NOS1: variants seen among roughly 807,000 people sequenced by gnomAD.
The protein encoded by NOS1 is nitric oxide synthase 1, also known as NOS type I.
Under a neutral mutation model 164.5 loss-of-function variants are expected in NOS1, and 51 were observed. The ratio of observed to expected loss-of-function variants is 0.31; its 90% CI spans 0.25 to 0.39. The LOEUF is 0.39. NOS1 is among the 10% of genes least tolerant of loss of function. NOS1 has a pLI of 1.00. For missense variants in NOS1, 1,362 were observed against 1,885.6 expected, an observed-to-expected ratio of 0.72 and a Z score of 5.14; for synonymous variants, 719 against 745.8, an observed-to-expected ratio of 0.96 and a Z score of 0.59.
At chr12:117,308,805 C>A (rs763143417) in intron 3 of NOS1, among the ~76,000 whole-genome samples, 1 of 152,100 alleles carries the variant, frequency 6.6e-6, no homozygotes, top group Non-Finnish European at 1.5e-5. Flanking sequence ...CCATGTTGGT[C>A]AGGCTGGTCT....
At chr12:117,292,672 T>C (rs542029909) in intron 3 of NOS1, among the ~76,000 whole-genome samples, 1 of 152,306 alleles carries the variant, frequency 6.6e-6, no homozygotes, top group Non-Finnish European at 1.5e-5. Flanking sequence ...AGGAGTCCAA[T>C]CCAGGCAGTC....
At chr12:117,281,071 C>T (rs1275010784) in intron 7 of NOS1, among the ~76,000 whole-genome samples, 3 of 152,008 alleles carry the variant, frequency 2.0e-5, no homozygotes, top group South Asian at 2.1e-4. Flanking sequence ...GTGAGGAAAA[C>T]GGTGGAGGGG....
chr12:117,262,367 G>A (rs1871977258), intron 13 of NOS1, among the ~76,000 whole-genome samples: 1 of 148,632 alleles, frequency 6.7e-6, no homozygotes, highest in South Asian at 2.2e-4. Context: ...GGCTGCTGAT[G>A]TGTTCTTGCT....
At position 117,243,961 on chromosome 12, in the gene NOS1, G is replaced by A. The variant is rs540413184; in HGVS notation, c.2824-526C>T. On this transcript the variant is annotated intron_variant, in intron 18 of 28. Transcript: ENST00000317775. The surrounding 1 kb of genome is among the most constrained non-coding windows in gnomAD (Gnocchi z 4.3). ...CCTATATATTTTGAGTGTCTGCGAT[G>A]TGCTGGACACGTCGGATTTGACATT... Among the ~76,000 whole-genome samples, 42 of 152,276 alleles carry A rather than the reference G, an allele frequency of 2.8e-4. No individual in the cohort carries two copies. Among genetic ancestry groups the A allele is most frequent in the African/African-American group, 9.9e-4 (41 of 41,548 alleles).
intron 15 of NOS1, among the ~76,000 whole-genome samples, chr12:117,258,816 C>T (rs1170016220): frequency 6.6e-6 from 1 of 152,186 alleles, no homozygotes; most frequent in Non-Finnish European, 1.5e-5. Flanking sequence ...AATATTTTCA[C>T]CAGGGACTTG....
chr12:117,322,219 TTTCCTTCCTTCCCTTCCTCC>T (rs1874984063), intron 2 of NOS1, among the ~76,000 whole-genome samples: 1 of 85,084 alleles, frequency 1.2e-5, no homozygotes, highest in African/African-American at 4.0e-5. Context: ...TCCCTCCCTC[TTTCCTTCCTTCCCTTCCTCC>T]CTCCTTCCTT....
At position 117,232,039 on chromosome 12, in the gene NOS1, T is replaced by C. The variant is rs1341454590; in HGVS notation, c.3328A>G (p.Thr1110Ala). ...GCAAACTGCTGCAGCTGCAGAGGCG[T>C]TGGTGGCGTGGTGATGTCCAGGTAG... ...KYYLDITTPP[T>A]PLQLQQFASL... The change falls in exon 22 of 29, where the codon ACG becomes GCG. Residue 1110 changes from threonine (T) to alanine (A), a missense_variant. Physicochemically the swap from Thr to Ala is moderately conservative, Grantham distance 58 (BLOSUM62 0). Around this residue, in one of 4 missense-constraint regions of NOS1, gnomAD observed 737 missense variants for 1,030.3 expected, o/e 0.72. Transcript: ENST00000317775. 6.2e-7 allele frequency: 1 copy of C among 1,612,370 alleles called. No homozygotes were observed. The highest frequency in any genetic ancestry group is 1.7e-5 in the Admixed American group (1 of 59,990).
At chr12:117,288,540 G>T (rs1872853696) in intron 4 of NOS1, among the ~76,000 whole-genome samples, 1 of 152,140 alleles carries the variant, frequency 6.6e-6, no homozygotes, top group Admixed American at 6.6e-5. Context: ...GGAACTAATA[G>T]AGTGGCTACA....
At chr12:117,256,610 A>C (rs1871478323) in intron 16 of NOS1, among the ~76,000 whole-genome samples, 1 of 151,846 alleles carries the variant, frequency 6.6e-6, no homozygotes, top group African/African-American at 2.4e-5. Flanking sequence ...CACAGCCAAA[A>C]AACACCAGCC....
chr12:117,215,048 C>T lies in NOS1; in HGVS notation c.*261G>A, dbSNP rs893850842. 16 of 1,194,792 alleles carry T rather than the reference C, an allele frequency of 1.3e-5. No homozygotes were observed. The East Asian group carries it at 2.1e-4, about 16-fold the overall frequency. 74.0% of individuals were successfully genotyped at this position (1,194,792 alleles called of 1,614,324 possible). A position where few individuals can be genotyped will look rare whatever the true frequency, so the allele number is the denominator to read the frequency against. ...TCATGCACCCGTGAGTTGCCCTTGTCGGCAAGAGAGGGAGTGGGAACAGAG... is the reference window on the plus strand; with the variant it reads ...TCATGCACCCGTGAGTTGCCCTTGTTGGCAAGAGAGGGAGTGGGAACAGAG... On this transcript the variant is annotated 3_prime_UTR_variant, in exon 29 of 29. Transcript: ENST00000317775.
intron 21 of NOS1, among the ~76,000 whole-genome samples, chr12:117,233,248 CA>C (rs1277324491): frequency 1.3e-5 from 2 of 151,688 alleles, no homozygotes; most frequent in Non-Finnish European, 2.9e-5. Flanking sequence ...GGCATTTCAC[CA>C]TGTTGGCCAG....
chr12:117,341,534 T>C (rs1419626375), intron 1 of NOS1, among the ~76,000 whole-genome samples: 1 of 152,182 alleles, frequency 6.6e-6, no homozygotes, highest in South Asian at 2.1e-4. Flanking sequence ...GAGACCAATA[T>C]ATCCATCCAT....
chr12:117,350,416 G>A (rs2136093032), intron 1 of NOS1, among the ~76,000 whole-genome samples: 1 of 152,294 alleles, frequency 6.6e-6, no homozygotes, highest in South Asian at 2.1e-4. Flanking sequence ...TTAACTGGGT[G>A]CTTTATTTAG....
At chr12:117,321,095 T>C (rs1379694067) in intron 2 of NOS1, among the ~76,000 whole-genome samples, 2 of 152,176 alleles carry the variant, frequency 1.3e-5, no homozygotes, top group African/African-American at 2.4e-5. Context: ...CGGCAGCCTC[T>C]GCCTCCCGAG....
intron 3 of NOS1, chr12:117,302,022 T>C (rs1007185698): frequency 2.2e-6 from 1 of 456,770 alleles, no homozygotes. Flanking sequence ...TTACTGGTTA[T>C]GTGACCCTCG....
At chr12:117,281,519 C>CAAAA (rs56248436) in intron 7 of NOS1, among the ~76,000 whole-genome samples, 11,594 of 50,560 alleles carry the variant, frequency 0.23, 1,937 homozygotes, top group Middle Eastern at 0.29. Context: ...GACTCCATCT[C>CAAAA]AAAAAAAAAA....
intron 2 of NOS1, among the ~76,000 whole-genome samples, chr12:117,316,397 G>A (rs549211436): frequency 5.9e-5 from 9 of 151,826 alleles, no homozygotes; most frequent in Non-Finnish European, 7.4e-5. Context: ...CCCTCTTCCC[G>A]AGGAGCACAC....
chr12:117,238,582 T>G (rs1869913637), intron 20 of NOS1, among the ~76,000 whole-genome samples: 1 of 152,070 alleles, frequency 6.6e-6, no homozygotes, highest in Non-Finnish European at 1.5e-5. Context: ...AGTGGTGCAA[T>G]TTTGGCTCAC....
chr12:117,260,148 A>C (rs904046465), intron 14 of NOS1, among the ~76,000 whole-genome samples: 13 of 151,716 alleles, frequency 8.6e-5, no homozygotes, highest in East Asian at 3.9e-4. Flanking sequence ...AAACAAAAAA[A>C]CAAAAAAACA....
Sources: gnomAD v4.1 joint callset for allele counts (sites outside exome capture counted in the v4.1 genomes callset) on GRCh38, gnomAD v4.1.1 for gene constraint, gnomAD v4.1.1 regional missense constraint, Gnocchi (gnomAD v3.1) non-coding constraint, MANE v1.5 for transcripts, NCBI Gene and HGNC (gene_info 2026-07-23, HGNC 2026-07-21) for gene names.